HMG20A: variants seen among roughly 807,000 people sequenced by gnomAD.
The protein encoded by HMG20A is high mobility group protein 20A.
HMG20A carries 17 observed loss-of-function variants against 43.9 expected under a neutral mutation model. That is an observed-to-expected ratio of 0.39 (90% CI 0.27 to 0.58). The LOEUF (loss-of-function observed/expected upper bound fraction) is 0.58. Ranked by LOEUF, HMG20A falls within the 20% of genes least tolerant of loss-of-function variation. HMG20A has a pLI of 0.59. For synonymous variants in HMG20A, 132 were observed against 147.5 expected, an observed-to-expected ratio of 0.89 and a Z score of 0.76; for missense variants, 341 against 438.2, an observed-to-expected ratio of 0.78 and a Z score of 1.98.
At chr15:77,511,644 G>A in the HMG20A span, among the ~76,000 whole-genome samples, 1 of 152,190 alleles carries the variant, frequency 6.6e-6, no homozygotes, top group Admixed American at 6.5e-5. Context: ...ACAAATGGCT[G>A]ATAAGAACAT....
intron 1 of HMG20A, among the ~76,000 whole-genome samples, chr15:77,428,732 A>G (rs964041027): frequency 6.6e-6 from 1 of 152,180 alleles, no homozygotes; most frequent in Non-Finnish European, 1.5e-5. Flanking sequence ...TGGGAAGCCA[A>G]GGCAGAAGGA....
intron 4 of HMG20A, among the ~76,000 whole-genome samples, chr15:77,470,565 T>C (rs910971899): frequency 6.6e-6 from 1 of 152,184 alleles, no homozygotes. Context: ...CTCATGAGGA[T>C]GACTCTAGTG....
chr15:77,455,527 T>A (rs937237), intron 1 of HMG20A, among the ~76,000 whole-genome samples: 3 of 151,702 alleles, frequency 2.0e-5, no homozygotes, highest in East Asian at 1.9e-4. Flanking sequence ...CAAAGTAATA[T>A]CATTTTTGTG....
intron 1 of HMG20A, among the ~76,000 whole-genome samples, chr15:77,440,547 T>A (rs1307941272): frequency 6.6e-6 from 1 of 152,206 alleles, no homozygotes; most frequent in Non-Finnish European, 1.5e-5. Flanking sequence ...TGGCTTTCTT[T>A]TCTCACTTAT....
At chr15:77,446,870 C>G (rs2073680467) in intron 1 of HMG20A, among the ~76,000 whole-genome samples, 1 of 150,868 alleles carries the variant, frequency 6.6e-6, no homozygotes, top group Non-Finnish European at 1.5e-5. Flanking sequence ...ACTTTTTGTG[C>G]TTTGTGTACT....
rs1817882 is a variant in HMG20A, at chr15:77,457,324, G to A, written c.-4-1080G>A. On this transcript the variant is annotated intron_variant, in intron 1 of 9. Coordinates refer to ENST00000336216, the MANE Select transcript of HMG20A (RefSeq NM_001304504.2). ...ACCAGGTCTCCTTAGCAGCAGCAGC[G>A]CCTGAAATAACTCCTGAGGAAGCTC... 1.3e-4 allele frequency among the ~76,000 whole-genome samples: 20 copies of A among 152,218 alleles called. No individual in the cohort carries two copies. In the East Asian group the frequency reaches 2.9e-3, roughly 22 times the overall value.
chr15:77,435,651 C>T (rs141179270), intron 1 of HMG20A, among the ~76,000 whole-genome samples: 1 of 152,252 alleles, frequency 6.6e-6, no homozygotes, highest in Non-Finnish European at 1.5e-5. Context: ...ACTTGAAGGA[C>T]TGTATTATTT....
At chr15:77,510,825 A>C in the HMG20A span, among the ~76,000 whole-genome samples, 7 of 152,224 alleles carry the variant, frequency 4.6e-5, no homozygotes, top group Non-Finnish European at 8.8e-5. Flanking sequence ...TGGGGCTGTT[A>C]AAAGGCACGT....
chr15:77,513,829 G>C, the HMG20A span, among the ~76,000 whole-genome samples: 1 of 151,696 alleles, frequency 6.6e-6, no homozygotes, highest in East Asian at 1.9e-4. Context: ...GGGTTCAAGC[G>C]ATTCTCCTGC....
chr15:77,469,852 G>C (rs2072790855), intron 4 of HMG20A, among the ~76,000 whole-genome samples: 2 of 152,142 alleles, frequency 1.3e-5, no homozygotes, highest in South Asian at 4.1e-4. Flanking sequence ...ATTTTTAGTA[G>C]AGATGGGGTT....
chr15:77,498,425 C>T, the HMG20A span, among the ~76,000 whole-genome samples: 1 of 152,168 alleles, frequency 6.6e-6, no homozygotes, highest in Non-Finnish European at 1.5e-5. Flanking sequence ...GGGGCCTGTG[C>T]AGTAATTTTA....
chr15:77,488,742 T>C (rs1413750237), downstream of HMG20A, among the ~76,000 whole-genome samples: 1 of 152,226 alleles, frequency 6.6e-6, no homozygotes, highest in Non-Finnish European at 1.5e-5. Context: ...TCATAGATCA[T>C]TAAATCAGTA....
At chr15:77,478,137 G>A in intron 7 of HMG20A, 158 bp from the exon 8 acceptor site, 3 of 650,542 alleles carry the variant, frequency 4.6e-6, no homozygotes, top group Non-Finnish European at 8.1e-6. Context: ...GCGTTTCATT[G>A]CTGAAATTGC....
intron 5 of HMG20A, among the ~76,000 whole-genome samples, chr15:77,471,423 C>G (rs1264508928): frequency 1.3e-5 from 2 of 152,212 alleles, no homozygotes; most frequent in Non-Finnish European, 2.9e-5. Context: ...CCATCCACAA[C>G]TAGCCTATTT....
chr15:77,485,459 A>C lies in HMG20A; in HGVS notation c.*2496A>C, dbSNP rs1246903740. On this transcript the variant is annotated 3_prime_UTR_variant, in exon 10 of 10. Transcript: ENST00000336216. ...TTATTTCTGACTGATTTTAGAAAAAACTTGTGTACATGTGTTTGGAACTGT... is the reference window on the plus strand; with the variant it reads ...TTATTTCTGACTGATTTTAGAAAAACCTTGTGTACATGTGTTTGGAACTGT... 1 of 152,610 alleles carries C rather than the reference A, an allele frequency of 6.6e-6. No homozygotes were observed. The highest frequency in any genetic ancestry group is 2.4e-5 in the African/African-American group (1 of 41,428). The allele number at this position is 152,610 out of a possible 1,614,324, so 9.5% of individuals were successfully genotyped here.
chr15:77,436,625 A>G (rs2073552006), intron 1 of HMG20A, among the ~76,000 whole-genome samples: 2 of 151,550 alleles, frequency 1.3e-5, no homozygotes, highest in South Asian at 4.2e-4. Flanking sequence ...TGCCCAGCTA[A>G]TTTTTGTATT....
chr15:77,443,551 C>G (rs2073639866), intron 1 of HMG20A, among the ~76,000 whole-genome samples: 1 of 151,006 alleles, frequency 6.6e-6, no homozygotes, highest in South Asian at 2.1e-4. Context: ...ACCACCATGC[C>G]TGGCTAATTT....
chr15:77,457,257 G>A (rs1043658028), intron 1 of HMG20A, among the ~76,000 whole-genome samples: 1 of 152,168 alleles, frequency 6.6e-6, no homozygotes, highest in African/African-American at 2.4e-5. Context: ...GAGTGATCCT[G>A]GCTCTGCTTT....
At chr15:77,469,787 C>T (rs1271293120) in intron 4 of HMG20A, among the ~76,000 whole-genome samples, 1 of 152,174 alleles carries the variant, frequency 6.6e-6, no homozygotes. Context: ...CTAGCCTCAG[C>T]TTCCCAAGTA....
Sources: allele counts gnomAD v4.1 joint callset (sites outside exome capture counted in the v4.1 genomes callset), GRCh38; gene constraint gnomAD v4.1.1; transcripts MANE v1.5; gene names NCBI Gene and HGNC (gene_info 2026-07-23, HGNC 2026-07-21).